CNTN5: variants seen among roughly 807,000 people sequenced by gnomAD.
CNTN5 encodes the protein contactin 5.
Under a neutral mutation model 129.1 loss-of-function variants are expected in CNTN5, and 77 were observed. That is an observed-to-expected ratio of 0.60 (90% CI 0.50 to 0.72). The LOEUF is 0.72. CNTN5 is among the 30% of genes least tolerant of loss of function. The pLI is 0.00. For missense variants in CNTN5, 1,478 were observed against 1,328.8 expected, an observed-to-expected ratio of 1.11 and a Z score of -1.75; for synonymous variants, 509 against 465.6, an observed-to-expected ratio of 1.09 and a Z score of -1.20.
intron 23 of CNTN5, among the ~76,000 whole-genome samples, chr11:100,345,362 AAGG>A (rs1442104482): frequency 6.6e-6 from 1 of 152,068 alleles, no homozygotes; most frequent in Non-Finnish European, 1.5e-5. Flanking sequence ...ATACTCATGA[AAGG>A]AGAAGTCCTT....
At chr11:99,986,227 C>A (rs757063757) in intron 8 of CNTN5, among the ~76,000 whole-genome samples, 3 of 152,140 alleles carry the variant, frequency 2.0e-5, no homozygotes, top group Non-Finnish European at 4.4e-5. Context: ...ACTCTCTATC[C>A]CATCAATCTC....
intron 9 of CNTN5, among the ~76,000 whole-genome samples, chr11:100,046,522 A>T (rs1942685411): frequency 6.6e-6 from 1 of 151,960 alleles, no homozygotes; most frequent in Non-Finnish European, 1.5e-5. Context: ...ATATGTAGTT[A>T]TTTGTGATTT....
intron 18 of CNTN5, among the ~76,000 whole-genome samples, chr11:100,289,653 A>G (rs1227346134): frequency 2.6e-5 from 4 of 151,920 alleles, no homozygotes; most frequent in Non-Finnish European, 5.9e-5. Context: ...AGCCAATATC[A>G]TACCGAATGG....
At chr11:99,317,537 C>A (rs533524629) in intron 1 of CNTN5, among the ~76,000 whole-genome samples, 5 of 151,828 alleles carry the variant, frequency 3.3e-5, no homozygotes, top group African/African-American at 7.3e-5. Flanking sequence ...TTTTGGGAAC[C>A]TTTCCAGTCT....
In CNTN5 at chr11:100,299,288, G is replaced by T. The variant is rs1206400559; in HGVS notation, c.2512G>T (p.Asp838Tyr). The T allele has an allele frequency of 6.2e-7, 1 of 1,610,728 alleles. No individual in the cohort carries two copies. Among genetic ancestry groups the T allele is most frequent in the South Asian group, 1.1e-5 (1 of 91,008 alleles). Residue 838 changes from aspartate to tyrosine, a missense_variant, in exon 20 of 25, where the codon GAT becomes TAT. Transcript: ENST00000524871. Reference protein sequence around the residue: ...SSEASKFIYRDESVPPLTPFE... With the variant: ...SSEASKFIYRYESVPPLTPFE... Reference sequence around the variant, plus strand: ...TGAAGCTTCCAAATTCATTTATCGAGATGAAAGTGTCCCTCCTCTTACTCC... The same window carrying T: ...TGAAGCTTCCAAATTCATTTATCGATATGAAAGTGTCCCTCCTCTTACTCC...
In CNTN5 at chr11:100,308,928, T is replaced by G. The variant is rs919292452; in HGVS notation, c.2730+460T>G. 4.1e-6 allele frequency: 4 copies of G among 984,222 alleles called. No homozygotes were observed. In the African/African-American group the frequency reaches 5.2e-5, roughly 13 times the overall value. The allele number at this position is 984,222 out of a possible 1,614,324, so 61.0% of individuals were successfully genotyped here. ...TATCTATGTATTCAGATAGTTTTTT[T>G]GGTCCCTTAAATGTTGCTATTTTTA... On this transcript the variant is annotated intron_variant, in intron 21 of 24. Transcript: ENST00000524871.
At chr11:99,223,542 A>G (rs1205265391) in intron 1 of CNTN5, among the ~76,000 whole-genome samples, 1 of 152,198 alleles carries the variant, frequency 6.6e-6, no homozygotes, top group East Asian at 1.9e-4. Context: ...AGAAAAGTAC[A>G]AGGAGTTTTA....
intron 1 of CNTN5, among the ~76,000 whole-genome samples, chr11:99,107,273 C>A (rs375326688): frequency 6.6e-6 from 1 of 151,974 alleles, no homozygotes; most frequent in Non-Finnish European, 1.5e-5. Context: ...TACATACATA[C>A]GTAAGTGGCC....
intron 9 of CNTN5, among the ~76,000 whole-genome samples, chr11:100,017,355 A>C (rs891245664): frequency 1.3e-5 from 2 of 152,016 alleles, no homozygotes. Context: ...GACCCAATGC[A>C]TACTTTTTTT....
At chr11:99,949,055 C>T (rs1235705665) in intron 7 of CNTN5, among the ~76,000 whole-genome samples, 2 of 152,224 alleles carry the variant, frequency 1.3e-5, no homozygotes, top group Non-Finnish European at 2.9e-5. Context: ...TGGGATCAAT[C>T]TTAAGCTAAT....
chr11:99,778,970 C>T (rs532027853), intron 3 of CNTN5, among the ~76,000 whole-genome samples: 55 of 151,800 alleles, frequency 3.6e-4, no homozygotes, highest in African/African-American at 1.3e-3. Flanking sequence ...TCCAGGTGAA[C>T]TGGAGAGATT....
chr11:100,038,626 G>C (rs7931409), intron 9 of CNTN5, among the ~76,000 whole-genome samples: 4,757 of 152,062 alleles, frequency 0.031, 118 homozygotes, highest in African/African-American at 0.074. Context: ...GGTCACTAAG[G>C]ACTTGCTTTA....
intron 1 of CNTN5, among the ~76,000 whole-genome samples, chr11:99,201,351 T>TTTCCTTCCTTCCTTCCTTCCTTCCTTCC (rs71046674): frequency 0.016 from 1,430 of 88,126 alleles, 31 homozygotes; most frequent in African/African-American, 0.025. Context: ...CTTCCTTTCC[T>TTTCCTTCCTTCCTTCCTTCCTTCCTTCC]TTCCTTCCTT....
intron 6 of CNTN5, among the ~76,000 whole-genome samples, chr11:99,850,856 A>G (rs11221615): frequency 0.18 from 27,888 of 152,062 alleles, 2,581 homozygotes; most frequent in South Asian, 0.21. Context: ...ACTCTTGACA[A>G]ATTTTCATAA....
intron 13 of CNTN5, among the ~76,000 whole-genome samples, chr11:100,183,883 C>T (rs1447746326): frequency 2.6e-5 from 4 of 152,106 alleles, no homozygotes; most frequent in Non-Finnish European, 4.4e-5. Flanking sequence ...CTCCCCCTCG[C>T]CTACCTCTCC....
Position 100,271,225 on chromosome 11 carries a change from C to A in CNTN5, c.2298C>A (p.Ile766=), listed in dbSNP as rs550988442. 1 of 1,604,728 alleles carries A rather than the reference C, an allele frequency of 6.2e-7. No individual in the cohort carries two copies. Among genetic ancestry groups the A allele is most frequent in the South Asian group, 1.1e-5 (1 of 89,216 alleles). Residue 766 remains isoleucine (I), a synonymous_variant, in exon 18 of 25, where the codon ATC becomes ATA. Coordinates refer to ENST00000524871, the MANE Select transcript of CNTN5 (RefSeq NM_014361.4). The part of the protein sequence containing the change: ...TGDPSTPSRM[I]RTNEAVPKTA... ...ATCCAAGCACCCCATCTCGAATGATCCGCACAAATGAAGCAGGTAAAAATT... is the reference window on the plus strand; with the variant it reads ...ATCCAAGCACCCCATCTCGAATGATACGCACAAATGAAGCAGGTAAAAATT...
At chr11:99,031,931 A>C (rs1337266740) in intron 1 of CNTN5, among the ~76,000 whole-genome samples, 3 of 93,062 alleles carry the variant, frequency 3.2e-5, no homozygotes, top group African/African-American at 4.4e-5. Flanking sequence ...CCCACCCCAC[A>C]ACAGTCCCCA....
chr11:99,325,112 A>G (rs1865728673), intron 1 of CNTN5, among the ~76,000 whole-genome samples: 2 of 152,088 alleles, frequency 1.3e-5, no homozygotes, highest in Admixed American at 1.3e-4. Flanking sequence ...GAGTGACATT[A>G]TGTTATATTA....
intron 16 of CNTN5, among the ~76,000 whole-genome samples, chr11:100,253,125 CAT>C (rs1950003194): frequency 6.6e-6 from 1 of 150,784 alleles, no homozygotes; most frequent in South Asian, 2.2e-4. Flanking sequence ...ATCTCTACAA[CAT>C]AAAGTGTGGC....
Sources: allele counts gnomAD v4.1 joint callset (sites outside exome capture counted in the v4.1 genomes callset), GRCh38; gene constraint gnomAD v4.1.1; transcripts MANE v1.5; gene names NCBI Gene and HGNC (gene_info 2026-07-23, HGNC 2026-07-21).